The following LDLRAD4 variants were observed in gnomAD, a reference collection of about 807,000 sequenced individuals.
LDLRAD4 encodes low-density lipoprotein receptor class A domain-containing protein 4.
LDLRAD4 carries 5 observed loss-of-function variants against 17.0 expected under a neutral mutation model. That is an observed-to-expected ratio of 0.29 (90% CI 0.15 to 0.62). The LOEUF (loss-of-function observed/expected upper bound fraction) is 0.62, where lower values mean the gene tolerates loss of function less well. Among genes scored for constraint, LDLRAD4 ranks in the 20% least tolerant of loss-of-function variants. LDLRAD4 has a pLI of 0.84. For synonymous variants in LDLRAD4, 168 were observed against 171.8 expected (o/e 0.98, Z 0.17); for missense variants, 340 against 424.7 (o/e 0.80, Z 1.75).
chr18:13,231,400 A>G (rs887277483), intron 1 of LDLRAD4, among the ~76,000 whole-genome samples: 2 of 152,078 alleles, frequency 1.3e-5, no homozygotes, highest in Non-Finnish European at 1.5e-5. Flanking sequence ...CCTTTGGGTC[A>G]CCATTCCTCC....
intron 3 of LDLRAD4, among the ~76,000 whole-genome samples, chr18:13,458,980 A>G (rs1025867710): frequency 6.6e-6 from 1 of 152,194 alleles, no homozygotes; most frequent in African/African-American, 2.4e-5. Flanking sequence ...CAGTGAAATT[A>G]GTTTTGGATT....
chr18:13,583,313 T>A (rs2094889799), intron 3 of LDLRAD4, among the ~76,000 whole-genome samples: 1 of 152,200 alleles, frequency 6.6e-6, no homozygotes, highest in Non-Finnish European at 1.5e-5. Context: ...GTAGTCTAAA[T>A]CTGCAGATGA....
rs546795453 is a variant in LDLRAD4 at position 13,315,779 on chromosome 18, C to T, written c.-383+37591C>T. 2.4e-3 allele frequency among the ~76,000 whole-genome samples: 333 copies of T among 137,572 alleles called. 2 individuals are homozygous for T. Among genetic ancestry groups the T allele is most frequent in the East Asian group, 0.011 (56 of 4,882 alleles). 90.3% of individuals were successfully genotyped at this position (137,572 alleles called of 152,430 possible). A position where few individuals can be genotyped will look rare whatever the true frequency, so the allele number is the denominator to read the frequency against. Reference sequence around the variant, plus strand: ...AGCCTGGGCAACAAGAGTGAAACTCCGTCTAAAAAAAAAAAAAAAAAAGAA... The same window carrying T: ...AGCCTGGGCAACAAGAGTGAAACTCTGTCTAAAAAAAAAAAAAAAAAAGAA... On this transcript the variant is annotated intron_variant, in intron 1 of 5. Coordinates refer to ENST00000359446, the Ensembl canonical transcript of LDLRAD4.
intron 1 of LDLRAD4, among the ~76,000 whole-genome samples, chr18:13,228,535 G>A (rs1194817673): frequency 1.3e-5 from 2 of 152,190 alleles, no homozygotes; most frequent in African/African-American, 4.8e-5. Flanking sequence ...TGGATACAAT[G>A]TGTGCAGGAC....
At chr18:13,640,010 G>A (rs763539243) in intron 4 of LDLRAD4, among the ~76,000 whole-genome samples, 55 of 152,188 alleles carry the variant, frequency 3.6e-4, no homozygotes, top group Non-Finnish European at 5.7e-4. Context: ...AAACTGGCAA[G>A]GTGCGGTGGC....
chr18:13,428,428 A>G (rs964521138), intron 2 of LDLRAD4, among the ~76,000 whole-genome samples: 3 of 152,106 alleles, frequency 2.0e-5, no homozygotes, highest in African/African-American at 7.2e-5. Flanking sequence ...GGGCAAGGGG[A>G]GGCTGGAGAG....
chr18:13,353,816 T>C (rs1298171580), intron 1 of LDLRAD4, among the ~76,000 whole-genome samples: 2 of 152,228 alleles, frequency 1.3e-5, no homozygotes, highest in Non-Finnish European at 2.9e-5. Flanking sequence ...ATGGCAGACA[T>C]TTTGAATGTG....
At chr18:13,481,373 G>A (rs1050555184) in intron 3 of LDLRAD4, among the ~76,000 whole-genome samples, 3 of 152,222 alleles carry the variant, frequency 2.0e-5, no homozygotes, top group Admixed American at 6.5e-5. Context: ...CCTCTGGACA[G>A]AAGGGGTGAT....
chr18:13,260,415 G>A (rs111855590), intron 1 of LDLRAD4, among the ~76,000 whole-genome samples: 18 of 152,326 alleles, frequency 1.2e-4, no homozygotes, highest in African/African-American at 4.1e-4. Flanking sequence ...ATTTTCCTTT[G>A]TGTACTGTCA....
At chr18:13,393,544 C>T (rs116280095) in intron 2 of LDLRAD4, among the ~76,000 whole-genome samples, 136 of 152,298 alleles carry the variant, frequency 8.9e-4, no homozygotes, top group African/African-American at 3.1e-3. Context: ...TGGTCCCCGG[C>T]GGGCTGCTTC....
chr18:13,544,277 T>C (rs752451554), intron 3 of LDLRAD4, among the ~76,000 whole-genome samples: 32 of 152,222 alleles, frequency 2.1e-4, no homozygotes, highest in Non-Finnish European at 4.3e-4. Flanking sequence ...CAGGGACTTG[T>C]CTAGGGTGCC....
intron 3 of LDLRAD4, among the ~76,000 whole-genome samples, chr18:13,476,265 T>C (rs375324807): frequency 1.2e-4 from 19 of 152,180 alleles, no homozygotes; most frequent in African/African-American, 4.6e-4. Flanking sequence ...GTTTTAAAAA[T>C]GAAGTCCTCA....
At chr18:13,480,024 A>G (rs781633137) in intron 3 of LDLRAD4, among the ~76,000 whole-genome samples, 13 of 152,220 alleles carry the variant, frequency 8.5e-5, no homozygotes, top group African/African-American at 3.1e-4. Context: ...AAAACTCAGC[A>G]TAATCTTACC....
chr18:13,398,352 G>T lies in LDLRAD4; in HGVS notation c.40+10590G>T, dbSNP rs1004475242. On this transcript the variant is annotated intron_variant, in intron 2 of 5. Transcript: ENST00000359446. The surrounding 1 kb of genome is among the most constrained non-coding windows in gnomAD (Gnocchi z 4.8). ...GAAAGCAGCACAGCGTCACGGTGGT[G>T]ATGCTTGCGTAGCAGTGTGAGAGTG... Among the ~76,000 whole-genome samples, 1 of 152,164 alleles carries T rather than the reference G, an allele frequency of 6.6e-6. No homozygotes were observed.
At chr18:13,456,472 C>T (rs1170596885) in intron 3 of LDLRAD4, among the ~76,000 whole-genome samples, 1 of 152,218 alleles carries the variant, frequency 6.6e-6, no homozygotes, top group Non-Finnish European at 1.5e-5. Flanking sequence ...CCTTTCCTTT[C>T]TTTCTCTTTC....
chr18:13,595,266 T>A (rs971737922), intron 3 of LDLRAD4, among the ~76,000 whole-genome samples: 1 of 152,160 alleles, frequency 6.6e-6, no homozygotes, highest in Non-Finnish European at 1.5e-5. Context: ...TGATTTTGTT[T>A]TAATTTATTC....
intron 3 of LDLRAD4, among the ~76,000 whole-genome samples, chr18:13,498,951 C>T (rs2093550046): frequency 6.6e-6 from 1 of 150,552 alleles, no homozygotes; most frequent in Admixed American, 6.6e-5. Context: ...TCCTTCTCGC[C>T]ATACATGTCC....
intron 1 of LDLRAD4, among the ~76,000 whole-genome samples, chr18:13,222,381 T>A (rs1462424993): frequency 6.6e-6 from 1 of 152,140 alleles, no homozygotes; most frequent in African/African-American, 2.4e-5. Flanking sequence ...TATTTTTTTT[T>A]AAGGATGCTT....
intron 1 of LDLRAD4, among the ~76,000 whole-genome samples, chr18:13,296,102 G>A (rs1274633779): frequency 3.3e-5 from 5 of 152,230 alleles, no homozygotes; most frequent in Admixed American, 6.5e-5. Flanking sequence ...GGCATCTCTC[G>A]TGCATCCCTC....
Sources: gnomAD v4.1 joint callset for allele counts (sites outside exome capture counted in the v4.1 genomes callset) on GRCh38, gnomAD v4.1.1 for gene constraint, Gnocchi (gnomAD v3.1) non-coding constraint, MANE v1.5 for transcripts, NCBI Gene and HGNC (gene_info 2026-07-23, HGNC 2026-07-21) for gene names.